Variants in HNRNPM observed in about 807,000 individuals in gnomAD.
The protein encoded by HNRNPM is heterogeneous nuclear ribonucleoprotein M.
HNRNPM carries 11 observed loss-of-function variants against 73.1 expected under a neutral mutation model. The ratio of observed to expected loss-of-function variants is 0.15; its 90% CI spans 0.09 to 0.25. The LOEUF is 0.25. Ranked by LOEUF, HNRNPM falls within the 10% of genes least tolerant of loss-of-function variation. HNRNPM has a pLI of 1.00. For missense variants in HNRNPM, 789 were observed against 1,067.9 expected (o/e 0.74, Z 3.64); for synonymous variants, 407 against 355.2 (o/e 1.15, Z -1.64).
Position 8,445,085 on chromosome 19 carries a change from C to G in HNRNPM, c.87C>G (p.Ser29Arg). The G allele has an allele frequency of 2.1e-6, 3 of 1,421,202 alleles. No homozygotes were observed. Among genetic ancestry groups the G allele is most frequent in the East Asian group, 2.9e-5 (1 of 34,558 alleles). The allele number at this position is 1,421,202 out of a possible 1,614,324, so 88.0% of individuals were successfully genotyped here. A position where few individuals can be genotyped will look rare whatever the true frequency, so the allele number is the denominator to read the frequency against. The change falls in exon 1 of 16, where the codon AGC (serine) becomes AGG (arginine). Residue 29 changes from serine to arginine, a missense_variant. Transcript: ENST00000325495. ...EEESGAPGVP[S>R]GNGAPGPKGE... ...AGAGCGGCGCGCCCGGCGTGCCGAG[C>G]GGCAACGGGGCTCCGGGCCCTAAGG...
chr19:8,468,781 G>T lies in HNRNPM; in HGVS notation c.842G>T (p.Arg281Met). 1 of 1,613,482 alleles carries T rather than the reference G, an allele frequency of 6.2e-7. No homozygotes were observed. The highest frequency in any genetic ancestry group is 8.5e-7 in the Non-Finnish European group (1 of 1,179,446). The change falls in exon 9 of 16, where the codon AGG (arginine) becomes ATG (methionine). Residue 281 changes from arginine (R) to methionine (M), a missense_variant. By Grantham distance (91) the Arg-to-Met change is moderately conservative (BLOSUM62 -1). Around this residue, in one of 4 missense-constraint regions of HNRNPM, gnomAD observed 604 missense variants for 744.0 expected, o/e 0.81. Transcript: ENST00000325495. Reference sequence around the variant, plus strand: ...GTTTTCTTTCTCTTTCAGGATGAGAGGGCCTTACCAAAAGGAGATTTCTTC... The same window carrying T: ...GTTTTCTTTCTCTTTCAGGATGAGATGGCCTTACCAAAAGGAGATTTCTTC... ...DRPMHVKMDERALPKGDFFPP... is the reference protein window; with the variant it reads ...DRPMHVKMDEMALPKGDFFPP...
chr19:8,484,169 ATTTCT>A (rs1309559227), intron 13 of HNRNPM, among the ~76,000 whole-genome samples: 3 of 113,438 alleles, frequency 2.6e-5, no homozygotes, highest in African/African-American at 9.9e-5. Context: ...ATTTCCTCCC[ATTTCT>A]TTTTTTTTTT....
At chr19:8,451,576 A>G (rs2145615190) in intron 1 of HNRNPM, among the ~76,000 whole-genome samples, 1 of 151,612 alleles carries the variant, frequency 6.6e-6, no homozygotes. Flanking sequence ...TCCCGCTGTT[A>G]CCCCCGGCTG....
chr19:8,474,256 G>A lies in HNRNPM; in HGVS notation c.1120+12G>A. 8 of 1,564,198 alleles carry A rather than the reference G, an allele frequency of 5.1e-6. No individual in the cohort carries two copies. The highest frequency in any genetic ancestry group is 6.9e-6 in the Non-Finnish European group (8 of 1,156,044). ...GGGCAGGATAAATGGTAAGCATCGT[G>A]TTTTCTTCCTGCTTTCACTCACCCT... is the stretch of plus-strand genomic sequence containing the variant. On this transcript the variant is annotated intron_variant, in intron 12 of 15. Transcript: ENST00000325495.
Position 8,486,245 on chromosome 19 carries a change from G to A in HNRNPM, c.1817G>A (p.Arg606His), listed in dbSNP as rs759532478. The A allele has an allele frequency of 1.2e-6, 2 of 1,602,752 alleles. No individual in the cohort carries two copies. The change falls in exon 14 of 16, where the codon CGC becomes CAC. Residue 606 changes from arginine to histidine, a missense_variant. By Grantham distance (29) the Arg-to-His change is conservative. Coordinates refer to ENST00000325495, the MANE Select transcript of HNRNPM (RefSeq NM_005968.5). ...CCGGCCCTGGGCGCTGGCATTGAGC[G>A]CATGGGCCTGGCCATGGGTGGCGGT... is the stretch of plus-strand genomic sequence containing the variant. ...MGPALGAGIE[R>H]MGLAMGGGGG...
intron 10 of HNRNPM, among the ~76,000 whole-genome samples, chr19:8,472,031 C>G (rs530570882): frequency 6.6e-6 from 1 of 152,008 alleles, no homozygotes; most frequent in Non-Finnish European, 1.5e-5. Context: ...ATTAGCCGGG[C>G]GTGGTGGCGC....
intron 1 of HNRNPM, among the ~76,000 whole-genome samples, chr19:8,448,676 G>A (rs1318432715): frequency 6.6e-6 from 1 of 151,590 alleles, no homozygotes; most frequent in Non-Finnish European, 1.5e-5. Flanking sequence ...GTAGAGATGG[G>A]GTTTCACTCT....
At chr19:8,459,061 G>A (rs981136332) in intron 2 of HNRNPM, among the ~76,000 whole-genome samples, 6 of 152,056 alleles carry the variant, frequency 3.9e-5, no homozygotes, top group African/African-American at 1.2e-4. Context: ...CCAAGTAGCC[G>A]GGATTAGGCA....
At chr19:8,452,604 A>C (rs963252775) in intron 1 of HNRNPM, among the ~76,000 whole-genome samples, 1 of 152,288 alleles carries the variant, frequency 6.6e-6, no homozygotes, top group Admixed American at 6.5e-5. Context: ...ATTGCGTTCT[A>C]GGCATCTAGG....
intron 5 of HNRNPM, among the ~76,000 whole-genome samples, chr19:8,464,917 A>G (rs946096786): frequency 6.6e-6 from 1 of 152,148 alleles, no homozygotes; most frequent in African/African-American, 2.4e-5. Context: ...CTGTTTCTCA[A>G]ACTTCTGGAA....
In HNRNPM at chr19:8,455,416, G is replaced by T; in HGVS notation, c.125G>T (p.Arg42Leu). 6.2e-7 allele frequency: 1 copy of T among 1,613,386 alleles called. No individual in the cohort carries two copies. The highest frequency in any genetic ancestry group is 8.5e-7 in the Non-Finnish European group (1 of 1,179,734). Reference protein sequence around the residue: ...GAPGPKGEGERPAQNEKRKEK... With the variant: ...GAPGPKGEGELPAQNEKRKEK... Reference sequence around the variant, plus strand: ...TCTCTCGAATTCAGTGAAGGAGAACGACCTGCTCAGAATGAGAAGAGGAAG... The same window carrying T: ...TCTCTCGAATTCAGTGAAGGAGAACTACCTGCTCAGAATGAGAAGAGGAAG... Residue 42 changes from arginine (R) to leucine (L), a missense_variant, in exon 2 of 16, where the codon CGA becomes CTA. Arg to Leu is a moderately radical substitution (Grantham distance 102, BLOSUM62 -2). Around this residue, in one of 4 missense-constraint regions of HNRNPM, gnomAD observed 79 missense variants for 70.7 expected, o/e 1.12. Transcript: ENST00000325495.
intron 1 of HNRNPM, among the ~76,000 whole-genome samples, chr19:8,446,355 A>C (rs1362086058): frequency 1.3e-5 from 2 of 152,100 alleles, no homozygotes; most frequent in African/African-American, 2.4e-5. Flanking sequence ...CTCATATTGT[A>C]ATGTGTGAAG....
At chr19:8,459,588 AT>A (rs1969262852) in intron 2 of HNRNPM, among the ~76,000 whole-genome samples, 1 of 152,194 alleles carries the variant, frequency 6.6e-6, no homozygotes. Context: ...TTAAAAAAAA[AT>A]ATATAGGTCT....
intron 15 of HNRNPM, 193 bp downstream of exon 15, chr19:8,487,268 C>T (rs1971380324): frequency 3.2e-6 from 2 of 627,800 alleles, no homozygotes; most frequent in African/African-American, 1.8e-5. Flanking sequence ...CAGCTGTGTT[C>T]TCATTTCATC....
chr19:8,475,526 G>A (rs1330104328), intron 12 of HNRNPM, among the ~76,000 whole-genome samples: 2 of 152,188 alleles, frequency 1.3e-5, no homozygotes, highest in East Asian at 3.8e-4. Flanking sequence ...TTGAAAGGCG[G>A]CTGTCCCTGA....
At chr19:8,448,600 C>T (rs1172342548) in intron 1 of HNRNPM, among the ~76,000 whole-genome samples, 1 of 151,780 alleles carries the variant, frequency 6.6e-6, no homozygotes, top group Non-Finnish European at 1.5e-5. Context: ...GCCTCAGCCT[C>T]ACGAGTAGCT....
intron 2 of HNRNPM, among the ~76,000 whole-genome samples, chr19:8,459,488 C>T (rs1969252471): frequency 6.6e-6 from 1 of 152,060 alleles, no homozygotes; most frequent in Non-Finnish European, 1.5e-5. Flanking sequence ...GCACTCCCCT[C>T]GCCCAATAGA....
chr19:8,467,488 G>C, intron 7 of HNRNPM, 47 bp from the exon 8 acceptor site: 1 of 1,423,458 alleles, frequency 7.0e-7, no homozygotes, highest in Non-Finnish European at 9.9e-7. Context: ...TATTTCTCTT[G>C]TGCACATTTT....
At chr19:8,472,157 G>A (rs1156335994) in intron 10 of HNRNPM, among the ~76,000 whole-genome samples, 5 of 142,612 alleles carry the variant, frequency 3.5e-5, no homozygotes, top group East Asian at 2.1e-4. Context: ...GCAACAGAGC[G>A]AGAGTCCGTC....
Sources: gnomAD v4.1 joint callset for allele counts (sites outside exome capture counted in the v4.1 genomes callset) on GRCh38, gnomAD v4.1.1 for gene constraint, gnomAD v4.1.1 regional missense constraint, MANE v1.5 for transcripts, NCBI Gene and HGNC (gene_info 2026-07-23, HGNC 2026-07-21) for gene names.